Variants in LIMCH1 observed in about 807,000 individuals in gnomAD.
LIMCH1 encodes the protein LIM and calponin homology domains-containing protein 1.
In LIMCH1, 113 loss-of-function variants were observed where a neutral mutation model predicts 176.5. The observed-to-expected ratio is 0.64, with a 90% confidence interval of 0.55 to 0.75. The LOEUF (loss-of-function observed/expected upper bound fraction) is 0.75, where lower values mean the gene tolerates loss of function less well. Among genes scored for constraint, LIMCH1 ranks in the 30% least tolerant of loss-of-function variants. LIMCH1 has a pLI of 0.00. For synonymous variants in LIMCH1, 619 were observed against 645.9 expected (o/e 0.96, Z 0.63); for missense variants, 1,674 against 1,814.9 (o/e 0.92, Z 1.41).
chr4:41,487,027 T>C (rs1016118861), intron 1 of LIMCH1, among the ~76,000 whole-genome samples: 14 of 147,582 alleles, frequency 9.5e-5, no homozygotes, highest in Middle Eastern at 3.4e-3. Context: ...CGTACATATA[T>C]ATATTGTATT....
At chr4:41,570,497 T>A (rs2152601366) in intron 1 of LIMCH1, among the ~76,000 whole-genome samples, 1 of 152,354 alleles carries the variant, frequency 6.6e-6, no homozygotes, top group Non-Finnish European at 1.5e-5. Flanking sequence ...GACACTAGCC[T>A]GTATTGATTT....
At chr4:41,551,953 C>T (rs2080498134) in intron 1 of LIMCH1, among the ~76,000 whole-genome samples, 1 of 152,120 alleles carries the variant, frequency 6.6e-6, no homozygotes, top group African/African-American at 2.4e-5. Context: ...AAGACATACC[C>T]AAGACTGGAT....
chr4:41,614,564 T>C (rs985476216), intron 5 of LIMCH1, among the ~76,000 whole-genome samples: 2 of 152,246 alleles, frequency 1.3e-5, no homozygotes, highest in African/African-American at 4.8e-5. Context: ...ATCCGAATTA[T>C]CTTTTGTAGC....
intron 3 of LIMCH1, among the ~76,000 whole-genome samples, chr4:41,532,694 G>C (rs1350974798): frequency 6.6e-6 from 1 of 152,174 alleles, no homozygotes; most frequent in Non-Finnish European, 1.5e-5. Flanking sequence ...AGACCAATAA[G>C]TTAGTCCCCT....
chr4:41,590,895 GAACAC>G (rs2087426509), intron 1 of LIMCH1, among the ~76,000 whole-genome samples: 1 of 152,152 alleles, frequency 6.6e-6, no homozygotes, highest in Non-Finnish European at 1.5e-5. Flanking sequence ...CAGCAACTGT[GAACAC>G]ACGGCAGGTA....
upstream of LIMCH1, among the ~76,000 whole-genome samples, chr4:41,533,165 GAGAA>G (rs1387535746): frequency 6.6e-6 from 1 of 152,216 alleles, no homozygotes; most frequent in Non-Finnish European, 1.5e-5. Flanking sequence ...GGAAGGGCCT[GAGAA>G]AGAAAGAAAG....
intron 1 of LIMCH1, among the ~76,000 whole-genome samples, chr4:41,472,127 G>A (rs1582767510): frequency 6.6e-6 from 1 of 152,226 alleles, no homozygotes; most frequent in South Asian, 2.1e-4. Context: ...TTTCTTTCAA[G>A]AGAAGCCATA....
intron 1 of LIMCH1, among the ~76,000 whole-genome samples, chr4:41,387,235 A>G (rs1024293946): frequency 6.6e-6 from 1 of 152,242 alleles, no homozygotes; most frequent in African/African-American, 2.4e-5. Flanking sequence ...TACATTGTTC[A>G]TTCTTTATAG....
At chr4:41,526,644 G>A (rs1358347034) in intron 3 of LIMCH1, among the ~76,000 whole-genome samples, 1 of 152,114 alleles carries the variant, frequency 6.6e-6, no homozygotes, top group Non-Finnish European at 1.5e-5. Context: ...TTGACCCAAA[G>A]CAGCATTTCT....
intron 1 of LIMCH1, among the ~76,000 whole-genome samples, chr4:41,392,553 A>G (rs1476735961): frequency 1.3e-5 from 2 of 152,216 alleles, no homozygotes; most frequent in East Asian, 3.8e-4. Context: ...TAGAGTAGCT[A>G]GTTTTCATTT....
At position 41,361,672 on chromosome 4, in the gene LIMCH1, A is replaced by G. The variant is rs571182860; in HGVS notation, c.96+736A>G. ...TAAATAACTCGTTGGCAGGCCAGGGAAATCACTGGAGCTCTCGGCTCTCAG... is the reference window on the plus strand; with the variant it reads ...TAAATAACTCGTTGGCAGGCCAGGGGAATCACTGGAGCTCTCGGCTCTCAG... On this transcript the variant is annotated intron_variant, in intron 1 of 26. Transcript: ENST00000313860. 4.6e-5 allele frequency among the ~76,000 whole-genome samples: 7 copies of G among 152,318 alleles called. No individual in the cohort carries two copies. The South Asian group carries it at 1.5e-3, about 32-fold the overall frequency.
chr4:41,395,691 AT>A (rs891406834), intron 1 of LIMCH1, among the ~76,000 whole-genome samples: 30 of 151,728 alleles, frequency 2.0e-4, no homozygotes, highest in African/African-American at 7.3e-4. Context: ...TCTTGAGTGT[AT>A]TTTTTTTCTA....
chr4:41,525,034 A>G (rs1430274223), intron 3 of LIMCH1, among the ~76,000 whole-genome samples: 11 of 152,228 alleles, frequency 7.2e-5, no homozygotes. Context: ...ACCTATCCAC[A>G]TAAAATCTAA....
chr4:41,683,351 A>AT (rs1232700146), intron 26 of LIMCH1, among the ~76,000 whole-genome samples: 1 of 152,040 alleles, frequency 6.6e-6, no homozygotes, highest in Non-Finnish European at 1.5e-5. Flanking sequence ...ACTGGAGCAG[A>AT]CTCTGGTTGT....
At chr4:41,638,191 T>C (rs912255662) in intron 13 of LIMCH1, among the ~76,000 whole-genome samples, 4 of 152,196 alleles carry the variant, frequency 2.6e-5, no homozygotes, top group Non-Finnish European at 5.9e-5. Context: ...AATTTAGTCT[T>C]TTTGCTTTAG....
intron 3 of LIMCH1, among the ~76,000 whole-genome samples, chr4:41,532,918 T>C (rs2077482757): frequency 6.6e-6 from 1 of 152,188 alleles, no homozygotes; most frequent in Non-Finnish European, 1.5e-5. Context: ...GAGCAAGGCT[T>C]AGCTGGGTCT....
intron 3 of LIMCH1, among the ~76,000 whole-genome samples, chr4:41,531,424 A>G (rs536059556): frequency 2.4e-4 from 36 of 151,606 alleles, no homozygotes; most frequent in Non-Finnish European, 4.7e-4. Context: ...AATATGCAGC[A>G]GAATTACCTA....
At chr4:41,436,389 T>C (rs1195852456) in intron 1 of LIMCH1, among the ~76,000 whole-genome samples, 1 of 152,222 alleles carries the variant, frequency 6.6e-6, no homozygotes, top group Non-Finnish European at 1.5e-5. Context: ...GGTCTGGGGT[T>C]GCAGACTTAC....
intron 1 of LIMCH1, among the ~76,000 whole-genome samples, chr4:41,398,998 A>T: frequency 6.6e-6 from 1 of 152,212 alleles, no homozygotes; most frequent in East Asian, 1.9e-4. Flanking sequence ...GGAGAATTCT[A>T]TGAAAAGATT....
Sources: gnomAD v4.1 joint callset for allele counts (sites outside exome capture counted in the v4.1 genomes callset) on GRCh38, gnomAD v4.1.1 for gene constraint, MANE v1.5 for transcripts, NCBI Gene and HGNC (gene_info 2026-07-23, HGNC 2026-07-21) for gene names.